The following LDAH variants were observed in gnomAD, a reference collection of about 807,000 sequenced individuals.
LDAH encodes the protein lipid droplet associated hydrolase.
Under a neutral mutation model 29.6 loss-of-function variants are expected in LDAH, and 26 were observed. The ratio of observed to expected loss-of-function variants is 0.88; its 90% confidence interval spans 0.64 to 1.22. The LOEUF (loss-of-function observed/expected upper bound fraction) is 1.22, where lower values mean the gene tolerates loss of function less well. Among genes scored for constraint, LDAH ranks in the 50% most tolerant of loss-of-function variants. LDAH has a pLI of 0.00. For synonymous variants in LDAH, 117 were observed against 133.0 expected (o/e 0.88, Z 0.83); for missense variants, 344 against 387.3 (o/e 0.89, Z 0.94).
intron 2 of LDAH, among the ~76,000 whole-genome samples, chr2:20,792,991 CTT>C (rs921047818): frequency 2.0e-5 from 3 of 152,080 alleles, no homozygotes; most frequent in Admixed American, 6.6e-5. Flanking sequence ...AGTCTGAGTT[CTT>C]AAGCTTTCTG....
chr2:20,697,193 C>A (rs530935276), intron 6 of LDAH, among the ~76,000 whole-genome samples: 2 of 152,320 alleles, frequency 1.3e-5, no homozygotes, highest in South Asian at 4.1e-4. Context: ...CCATAACTTG[C>A]TGCTGCTTCT....
At chr2:20,725,103 C>T (rs1302074739) in intron 5 of LDAH, among the ~76,000 whole-genome samples, 1 of 152,136 alleles carries the variant, frequency 6.6e-6, no homozygotes, top group Non-Finnish European at 1.5e-5. Context: ...AAAGGTCTGA[C>T]AGATTCTACA....
chr2:20,766,498 G>C (rs113770668), intron 4 of LDAH, among the ~76,000 whole-genome samples: 2,165 of 152,286 alleles, frequency 0.014, 22 homozygotes, highest in Middle Eastern at 0.051. Context: ...AGCTTGCATA[G>C]AGAGATCTTC....
intron 2 of LDAH, among the ~76,000 whole-genome samples, chr2:20,795,237 T>C (rs540732975): frequency 6.6e-6 from 1 of 152,320 alleles, no homozygotes; most frequent in South Asian, 2.1e-4. Context: ...TGACTGCTAA[T>C]AATCTCCAAC....
intron 5 of LDAH, among the ~76,000 whole-genome samples, chr2:20,732,141 T>C (rs1324496449): frequency 6.6e-6 from 1 of 152,302 alleles, no homozygotes; most frequent in Admixed American, 6.5e-5. Flanking sequence ...GATAGAATCA[T>C]GTGGTTTATC....
In LDAH at chr2:20,821,949, G is replaced by C. The variant is rs190450532; in HGVS notation, c.-3+1088C>G. Among the ~76,000 whole-genome samples, 201 of 152,216 alleles carry C rather than the reference G, an allele frequency of 1.3e-3. 1 individual carries two copies. The highest frequency in any genetic ancestry group is 4.5e-3 in the African/African-American group (188 of 41,528). ...CAGGTTTCTAAGTCTTTAACCTTCAGGTGGAAAAATGGGGAAACACACAAG... is the reference window on the plus strand; with the variant it reads ...CAGGTTTCTAAGTCTTTAACCTTCACGTGGAAAAATGGGGAAACACACAAG... On this transcript the variant is annotated intron_variant, in intron 1 of 6. Coordinates refer to ENST00000237822, the MANE Select transcript of LDAH (RefSeq NM_021925.4).
chr2:20,742,611 C>T (rs967203911), intron 4 of LDAH, among the ~76,000 whole-genome samples: 7 of 152,048 alleles, frequency 4.6e-5, no homozygotes, highest in Admixed American at 1.3e-4. Context: ...TGAAATATAG[C>T]TACTCCTGTT....
intron 1 of LDAH, among the ~76,000 whole-genome samples, chr2:20,807,108 A>G (rs1006525659): frequency 1.3e-5 from 2 of 152,116 alleles, no homozygotes; most frequent in Admixed American, 1.3e-4. Context: ...GATTCTACAG[A>G]CATCAAAAAA....
intron 2 of LDAH, among the ~76,000 whole-genome samples, chr2:20,794,948 T>C (rs1671212118): frequency 6.6e-6 from 1 of 152,192 alleles, no homozygotes; most frequent in Admixed American, 6.6e-5. Context: ...CAGTACTTCA[T>C]ACTTCACCAT....
intron 3 of LDAH, among the ~76,000 whole-genome samples, chr2:20,779,322 G>A (rs925258695): frequency 2.6e-5 from 4 of 152,050 alleles, no homozygotes; most frequent in African/African-American, 9.7e-5. Flanking sequence ...GACACAGAGA[G>A]GGGAACAACA....
At chr2:20,803,085 G>A (rs1305635035) in intron 1 of LDAH, among the ~76,000 whole-genome samples, 1 of 152,134 alleles carries the variant, frequency 6.6e-6, no homozygotes, top group African/African-American at 2.4e-5. Flanking sequence ...ATTTTCCATT[G>A]TCATAACTTG....
chr2:20,689,696 C>T (rs961585849), intron 6 of LDAH, among the ~76,000 whole-genome samples: 1 of 152,206 alleles, frequency 6.6e-6, no homozygotes, highest in African/African-American at 2.4e-5. Context: ...CGATTGTATT[C>T]AGGGAATAGG....
At chr2:20,786,441 C>G (rs1048736763) in intron 3 of LDAH, among the ~76,000 whole-genome samples, 2 of 152,180 alleles carry the variant, frequency 1.3e-5, no homozygotes, top group African/African-American at 4.8e-5. Flanking sequence ...CTGCTCGCCT[C>G]AGCCTCCCAA....
chr2:20,796,618 A>AATTC (rs954457225), intron 2 of LDAH, among the ~76,000 whole-genome samples: 1 of 152,166 alleles, frequency 6.6e-6, no homozygotes, highest in Admixed American at 6.5e-5. Flanking sequence ...AAACTTAAGC[A>AATTC]ATTCATTCCC....
chr2:20,710,808 A>G (rs890261379), intron 5 of LDAH, among the ~76,000 whole-genome samples: 5 of 151,130 alleles, frequency 3.3e-5, no homozygotes, highest in Non-Finnish European at 5.9e-5. Context: ...ACTTCAAAAC[A>G]GTGGGAAAAA....
At chr2:20,793,759 C>T (rs1334140145) in intron 2 of LDAH, among the ~76,000 whole-genome samples, 1 of 144,302 alleles carries the variant, frequency 6.9e-6, no homozygotes, top group African/African-American at 2.9e-5. Flanking sequence ...ATACATTTAG[C>T]AACTTAGATA....
intron 2 of LDAH, among the ~76,000 whole-genome samples, chr2:20,792,163 A>G (rs996320666): frequency 6.6e-6 from 1 of 152,090 alleles, no homozygotes; most frequent in African/African-American, 2.4e-5. Context: ...CAAAAATTTT[A>G]TATTTTTATA....
At chr2:20,735,947 C>T (rs1293029170) in intron 5 of LDAH, among the ~76,000 whole-genome samples, 1 of 152,042 alleles carries the variant, frequency 6.6e-6, no homozygotes, top group African/African-American at 2.4e-5. Context: ...GTGATGGTGG[C>T]CCCATTACTG....
At chr2:20,736,667 A>G (rs1666811708) in intron 5 of LDAH, among the ~76,000 whole-genome samples, 1 of 152,144 alleles carries the variant, frequency 6.6e-6, no homozygotes, top group Admixed American at 6.5e-5. Context: ...GGACATTTCC[A>G]TTTGTATGGG....
Sources: gnomAD v4.1 joint callset for allele counts (sites outside exome capture counted in the v4.1 genomes callset) on GRCh38, gnomAD v4.1.1 for gene constraint, MANE v1.5 for transcripts, NCBI Gene and HGNC (gene_info 2026-07-23, HGNC 2026-07-21) for gene names.